IRAK1BP1: variants seen among roughly 807,000 people sequenced by gnomAD.
IRAK1BP1 encodes the protein interleukin-1 receptor-associated kinase 1-binding protein 1.
In IRAK1BP1, 24 loss-of-function variants were observed where a neutral mutation model predicts 28.0. The ratio of observed to expected loss-of-function variants is 0.86; its 90% CI spans 0.62 to 1.20. The LOEUF is 1.20. IRAK1BP1 is among the 50% of genes most tolerant of loss of function. The pLI is 0.00. For missense variants in IRAK1BP1, 336 were observed against 316.7 expected (o/e 1.06, Z -0.46); for synonymous variants, 131 against 116.3 (o/e 1.13, Z -0.81).
the IRAK1BP1 span, among the ~76,000 whole-genome samples, chr6:78,963,637 A>G: frequency 6.6e-6 from 1 of 152,316 alleles, no homozygotes; most frequent in African/African-American, 2.4e-5. Flanking sequence ...TTTTCTAGAA[A>G]TACTTCAATC....
intron 4 of IRAK1BP1, among the ~76,000 whole-genome samples, chr6:78,915,438 C>G (rs1417169068): frequency 6.6e-6 from 1 of 152,188 alleles, no homozygotes; most frequent in Non-Finnish European, 1.5e-5. Flanking sequence ...AGAGTTTCAC[C>G]TGCAGGGAGT....
At chr6:78,971,813 T>A in the IRAK1BP1 span, among the ~76,000 whole-genome samples, 1 of 152,158 alleles carries the variant, frequency 6.6e-6, no homozygotes, top group Non-Finnish European at 1.5e-5. Context: ...ATACTGCGCT[T>A]TTCCAATGGG....
At chr6:78,905,741 A>G (rs1449219697), downstream of IRAK1BP1, among the ~76,000 whole-genome samples, 3 of 152,124 alleles carry the variant, frequency 2.0e-5, no homozygotes, top group Non-Finnish European at 2.9e-5. Context: ...AGCTGGGACT[A>G]CAGGCACATG....
the IRAK1BP1 span, chr6:78,956,189 C>T: frequency 2.0e-5 from 3 of 152,108 alleles, no homozygotes; most frequent in Non-Finnish European, 4.4e-5. Context: ...AGTGACTCCC[C>T]AGATATCCTT....
At chr6:78,976,596 A>G in the IRAK1BP1 span, among the ~76,000 whole-genome samples, 1 of 140,420 alleles carries the variant, frequency 7.1e-6, no homozygotes, top group African/African-American at 2.6e-5. Flanking sequence ...GCAACCTACA[A>G]AATGGGAGAA....
chr6:78,935,655 T>G, intron 4 of IRAK1BP1: 1 of 983,714 alleles, frequency 1.0e-6, no homozygotes, highest in Non-Finnish European at 1.2e-6. Context: ...GGAATTAAAT[T>G]ACATTTCGGC....
At chr6:78,941,518 GAGAC>G (rs981514712) in intron 4 of IRAK1BP1, among the ~76,000 whole-genome samples, 2 of 151,888 alleles carry the variant, frequency 1.3e-5, no homozygotes, top group Non-Finnish European at 2.9e-5. Context: ...CTAATTAAAA[GAGAC>G]AGATTCTTAA....
intron 4 of IRAK1BP1, among the ~76,000 whole-genome samples, chr6:78,944,158 AG>A (rs1256508333): frequency 6.6e-6 from 1 of 152,130 alleles, no homozygotes; most frequent in African/African-American, 2.4e-5. Context: ...ACAAAGACTC[AG>A]GAACTTCTAA....
the IRAK1BP1 span, among the ~76,000 whole-genome samples, chr6:78,968,466 T>C: frequency 6.6e-6 from 1 of 152,220 alleles, no homozygotes; most frequent in African/African-American, 2.4e-5. Flanking sequence ...TCCATGAATA[T>C]GGAAGGGCCA....
rs529424880 is a variant in IRAK1BP1, at chr6:78,895,112, C to CA, written c.382-2702dup. On this transcript the variant is annotated intron_variant, in intron 2 of 3. Coordinates refer to ENST00000369940, the MANE Select transcript of IRAK1BP1 (RefSeq NM_001010844.4). The stretch of plus-strand genomic sequence containing the variant: ...TGGGCAACTGAGCAAGACTCCATCT[C>CA]AAAAAAAAAAAAAAAGTATTTGAAT... Among the ~76,000 whole-genome samples, 1,077 of 109,522 alleles carry CA rather than the reference C, an allele frequency of 9.8e-3. 5 individuals carry two copies. The highest frequency in any genetic ancestry group is 0.011 in the Non-Finnish European group (592 of 51,856). 71.9% of individuals were successfully genotyped at this position (109,522 alleles called of 152,430 possible). A position where few individuals can be genotyped will look rare whatever the true frequency, so the allele number is the denominator to read the frequency against.
exon 5 of IRAK1BP1, chr6:78,946,435 C>T (rs1582082860): frequency 7.1e-6 from 10 of 1,401,350 alleles, no homozygotes; most frequent in Non-Finnish European, 8.3e-6. Context: ...AGTGAAGGAT[C>T]GCTGTAAATG....
chr6:78,941,414 A>G, intron 4 of IRAK1BP1: 1 of 872,098 alleles, frequency 1.1e-6, no homozygotes, highest in Non-Finnish European at 1.8e-6. Context: ...CCCCATTGGT[A>G]TACTTATATG....
intron 1 of IRAK1BP1, among the ~76,000 whole-genome samples, chr6:78,880,207 G>A (rs574749899): frequency 6.6e-6 from 1 of 152,334 alleles, no homozygotes; most frequent in Admixed American, 6.5e-5. Context: ...TATCTGAAAT[G>A]TTGGGACCAG....
At chr6:78,869,206 G>A (rs1038990727) in intron 1 of IRAK1BP1, among the ~76,000 whole-genome samples, 2 of 152,194 alleles carry the variant, frequency 1.3e-5, no homozygotes, top group East Asian at 3.8e-4. Flanking sequence ...AATAAAAAGA[G>A]CTCACAGGTC....
At chr6:78,881,212 C>T (rs541305275) in intron 1 of IRAK1BP1, among the ~76,000 whole-genome samples, 1 of 152,066 alleles carries the variant, frequency 6.6e-6, no homozygotes, top group African/African-American at 2.4e-5. Flanking sequence ...AGAATTGATT[C>T]ACAAAACAAT....
At chr6:78,908,717 TG>T (rs1310388489) in intron 4 of IRAK1BP1, among the ~76,000 whole-genome samples, 2 of 152,248 alleles carry the variant, frequency 1.3e-5, no homozygotes, top group East Asian at 3.9e-4. Flanking sequence ...GAAGAACTTC[TG>T]GGTTTAGACA....
intron 1 of IRAK1BP1, among the ~76,000 whole-genome samples, chr6:78,877,886 C>T (rs2127640806): frequency 6.6e-6 from 1 of 152,168 alleles, no homozygotes; most frequent in Non-Finnish European, 1.5e-5. Flanking sequence ...CAGAGCCTCT[C>T]TTGCTGCTAG....
At chr6:78,935,033 T>C (rs958162560) in intron 4 of IRAK1BP1, among the ~76,000 whole-genome samples, 9 of 152,212 alleles carry the variant, frequency 5.9e-5, no homozygotes, top group Non-Finnish European at 1.5e-5. Context: ...CTTTGGTCTT[T>C]AATCTTACTT....
chr6:78,921,065 T>C (rs1397849583), intron 4 of IRAK1BP1, among the ~76,000 whole-genome samples: 9 of 152,158 alleles, frequency 5.9e-5, no homozygotes, highest in Non-Finnish European at 1.3e-4. Flanking sequence ...CTGGGGATTG[T>C]CATCCAGTGG....
Sources: gnomAD v4.1 joint callset for allele counts (sites outside exome capture counted in the v4.1 genomes callset) on GRCh38, gnomAD v4.1.1 for gene constraint, MANE v1.5 for transcripts, NCBI Gene and HGNC (gene_info 2026-07-23, HGNC 2026-07-21) for gene names.